Variants in GNA12 observed in about 807,000 individuals in gnomAD.
GNA12 encodes guanine nucleotide-binding protein subunit alpha-12.
In GNA12, 9 loss-of-function variants were observed where a neutral mutation model predicts 26.0. That is an observed-to-expected ratio of 0.35 (90% CI 0.21 to 0.60). The LOEUF (loss-of-function observed/expected upper bound fraction) is 0.60, where lower values mean the gene tolerates loss of function less well. Ranked by LOEUF, GNA12 falls within the 20% of genes least tolerant of loss-of-function variation. GNA12 has a pLI of 0.78. For missense variants in GNA12, 405 were observed against 525.8 expected, an observed-to-expected ratio of 0.77 and a Z score of 2.25; for synonymous variants, 264 against 219.6, an observed-to-expected ratio of 1.20 and a Z score of -1.79.
At chr7:2,733,931 T>C (rs1057357120) in intron 2 of GNA12, among the ~76,000 whole-genome samples, 13 of 152,266 alleles carry the variant, frequency 8.5e-5, no homozygotes, top group African/African-American at 3.1e-4. Flanking sequence ...CCCAAGACAT[T>C]GTCCTTAAAG....
intron 1 of GNA12, among the ~76,000 whole-genome samples, chr7:2,842,922 T>C (rs1036250612): frequency 1.7e-4 from 26 of 152,196 alleles, no homozygotes; most frequent in Non-Finnish European, 2.8e-4. Context: ...TGGCACAGAA[T>C]TGATGACTGC....
chr7:2,815,319 G>A lies in GNA12; in HGVS notation c.310-20176C>T, dbSNP rs188766905. 6.7e-4 allele frequency: 136 copies of A among 202,162 alleles called. 1 individual carries two copies. Among genetic ancestry groups the A allele is most frequent in the Admixed American group, 1.8e-3 (33 of 17,912 alleles). 12.5% of individuals were successfully genotyped at this position (202,162 alleles called of 1,614,324 possible). Reference sequence around the variant, plus strand: ...ATTTACAAGACCTTAAGGAGGGGCCGGCTGCGCAGCAGGGGCAGGAGGAGC... The same window carrying A: ...ATTTACAAGACCTTAAGGAGGGGCCAGCTGCGCAGCAGGGGCAGGAGGAGC... On this transcript the variant is annotated intron_variant, in intron 1 of 3. Transcript: ENST00000275364.
chr7:2,803,067 A>G lies in GNA12; in HGVS notation c.310-7924T>C, dbSNP rs563674986. Among the ~76,000 whole-genome samples, 6 of 150,124 alleles carry G rather than the reference A, an allele frequency of 4.0e-5. No homozygotes were observed. In the East Asian group the frequency reaches 1.2e-3, roughly 29 times the overall value. The stretch of plus-strand genomic sequence containing the variant: ...AGTGACTATACCGAGGGCTCACCTC[A>G]GGCAATGAAAAGTGGTGGGTAACGA... On this transcript the variant is annotated intron_variant, in intron 1 of 3. Transcript: ENST00000275364.
intron 1 of GNA12, among the ~76,000 whole-genome samples, chr7:2,820,038 C>T (rs779768033): frequency 2.6e-5 from 4 of 152,126 alleles, no homozygotes; most frequent in Non-Finnish European, 5.9e-5. Flanking sequence ...GCTATTCGGC[C>T]GCTTAGAGGG....
chr7:2,832,369 G>C (rs1319916595), intron 1 of GNA12, among the ~76,000 whole-genome samples: 1 of 152,234 alleles, frequency 6.6e-6, no homozygotes, highest in Non-Finnish European at 1.5e-5. Flanking sequence ...GAACGACAGA[G>C]CAGGTCCTCC....
chr7:2,785,673 T>C (rs1337514463), intron 2 of GNA12, among the ~76,000 whole-genome samples: 3 of 146,456 alleles, frequency 2.0e-5, no homozygotes, highest in Non-Finnish European at 3.0e-5. Flanking sequence ...TTTTTCTTCA[T>C]GTGTAAGTGT....
Position 2,731,131 on chromosome 7 carries a change from C to T in GNA12, c.*50G>A, listed in dbSNP as rs1280369764. ...GACAACACACACCCAAGAGTCTGACCGACAGCCGTGGGGGCTGCTCAACGA... is the reference window on the plus strand; with the variant it reads ...GACAACACACACCCAAGAGTCTGACTGACAGCCGTGGGGGCTGCTCAACGA... On this transcript the variant is annotated 3_prime_UTR_variant, in exon 4 of 4. Coordinates refer to ENST00000275364, the MANE Select transcript of GNA12 (RefSeq NM_007353.3). This position sits in a 1 kb window ranked among gnomAD's most constrained non-coding sequence, Gnocchi z 6.0. 8.6e-6 allele frequency: 11 copies of T among 1,285,722 alleles called. No homozygotes were observed. Among genetic ancestry groups the T allele is most frequent in the African/African-American group, 4.4e-5 (3 of 68,378 alleles). The allele number at this position is 1,285,722 out of a possible 1,614,324, so 79.6% of individuals were successfully genotyped here. A position where few individuals can be genotyped will look rare whatever the true frequency, so the allele number is the denominator to read the frequency against.
At chr7:2,829,311 T>G (rs571251599) in intron 1 of GNA12, among the ~76,000 whole-genome samples, 76 of 152,286 alleles carry the variant, frequency 5.0e-4, no homozygotes, top group Non-Finnish European at 1.0e-3. Flanking sequence ...TAAGAAAAAC[T>G]AAGGCTTCTT....
chr7:2,793,331 C>G (rs1025040527), intron 2 of GNA12, among the ~76,000 whole-genome samples: 2 of 145,190 alleles, frequency 1.4e-5, no homozygotes, highest in East Asian at 1.9e-4. Flanking sequence ...GCGGACAGGA[C>G]GCGAGAGGAA....
chr7:2,833,620 A>T (rs1479094525), intron 1 of GNA12, among the ~76,000 whole-genome samples: 2 of 152,212 alleles, frequency 1.3e-5, no homozygotes, highest in African/African-American at 4.8e-5. Flanking sequence ...TGACGGAAAA[A>T]GATGTTTTTG....
At chr7:2,793,309 C>G (rs1462298495) in intron 2 of GNA12, among the ~76,000 whole-genome samples, 1 of 145,462 alleles carries the variant, frequency 6.9e-6, no homozygotes, top group Admixed American at 6.8e-5. Flanking sequence ...GGACAGGACG[C>G]GAGAGGAAGC....
chr7:2,802,706 T>C (rs192839703), intron 1 of GNA12, among the ~76,000 whole-genome samples: 36 of 152,310 alleles, frequency 2.4e-4, no homozygotes, highest in African/African-American at 7.7e-4. Flanking sequence ...CCCACTCGGC[T>C]GAGTTGTTTG....
chr7:2,768,286 A>G (rs1030672888), intron 2 of GNA12, among the ~76,000 whole-genome samples: 1 of 152,222 alleles, frequency 6.6e-6, no homozygotes, highest in Non-Finnish European at 1.5e-5. Flanking sequence ...AAGTTTAAAT[A>G]CAGCAAATGT....
chr7:2,742,823 T>C (rs1790577340), intron 2 of GNA12, among the ~76,000 whole-genome samples: 1 of 152,262 alleles, frequency 6.6e-6, no homozygotes. Flanking sequence ...CATTTCCCAT[T>C]TTATAATCCT....
chr7:2,747,371 G>T (rs1462997497), intron 2 of GNA12, among the ~76,000 whole-genome samples: 1 of 152,098 alleles, frequency 6.6e-6, no homozygotes, highest in Non-Finnish European at 1.5e-5. Context: ...TTCAACATAT[G>T]CAAATCAATA....
At chr7:2,841,648 G>T (rs1439127463) in intron 1 of GNA12, among the ~76,000 whole-genome samples, 1 of 152,112 alleles carries the variant, frequency 6.6e-6, no homozygotes, top group Non-Finnish European at 1.5e-5. Context: ...TCCTAAAGGA[G>T]CTCTATTAAA....
Position 2,731,664 on chromosome 7 carries a change from G to A in GNA12, c.663C>T (p.Ile221=). Residue 221 remains isoleucine, a synonymous_variant, in exon 4 of 4, where the codon ATC becomes ATT. Transcript: ENST00000275364. The surrounding 1 kb of genome is among the most constrained non-coding windows in gnomAD (Gnocchi z 6.0). Reference sequence around the variant, plus strand: ...CGCCCACATCCACCATCTTAAAGGGGATCTTCTTAATAACGAAGTCATGCT... The same window carrying A: ...CGCCCACATCCACCATCTTAAAGGGAATCTTCTTAATAACGAAGTCATGCT... ...IVEHDFVIKK[I]PFKMVDVGGQ... is the part of the protein sequence containing the mutation. 1 of 1,611,406 alleles carries A rather than the reference G, an allele frequency of 6.2e-7. No homozygotes were observed. Among genetic ancestry groups the A allele is most frequent in the South Asian group, 1.1e-5 (1 of 90,936 alleles).
intron 1 of GNA12, among the ~76,000 whole-genome samples, chr7:2,831,564 C>T (rs112200992): frequency 0.16 from 24,939 of 151,866 alleles, 2,336 homozygotes; most frequent in Middle Eastern, 0.28. Context: ...CCACCACGCC[C>T]GGTTATTTTT....
At chr7:2,737,830 G>C (rs78675010) in intron 2 of GNA12, among the ~76,000 whole-genome samples, 3,844 of 152,302 alleles carry the variant, frequency 0.025, 118 homozygotes, top group Middle Eastern at 0.075. Flanking sequence ...AAATATTAAA[G>C]TTAGCATTTG....
Sources: gnomAD v4.1 joint callset for allele counts (sites outside exome capture counted in the v4.1 genomes callset) on GRCh38, gnomAD v4.1.1 for gene constraint, Gnocchi (gnomAD v3.1) non-coding constraint, MANE v1.5 for transcripts, NCBI Gene and HGNC (gene_info 2026-07-23, HGNC 2026-07-21) for gene names.